GREB1: variants seen among roughly 807,000 people sequenced by gnomAD.
GREB1 encodes the protein growth regulating estrogen receptor binding 1, also known as protein GREB1.
Under a neutral mutation model 200.7 loss-of-function variants are expected in GREB1, and 106 were observed. That is an observed-to-expected ratio of 0.53 (90% CI 0.45 to 0.62). The LOEUF (loss-of-function observed/expected upper bound fraction) is 0.62. Among genes scored for constraint, GREB1 ranks in the 20% least tolerant of loss-of-function variants. GREB1 has a pLI of 0.00. For synonymous variants in GREB1, 1,132 were observed against 1,092.4 expected (o/e 1.04, Z -0.72); for missense variants, 2,243 against 2,556.8 (o/e 0.88, Z 2.65).
intron 1 of GREB1, among the ~76,000 whole-genome samples, chr2:11,536,932 T>TCTTTCA (rs3071109): frequency 0.24 from 36,171 of 151,848 alleles, 5,830 homozygotes; most frequent in African/African-American, 0.46. Context: ...AACCTTGAAT[T>TCTTTCA]CTTAGAGGCA....
chr2:11,497,971 CTTTTTTTTTTTTTTTTTTTTTTT>C (rs70955803), intron 1 of GREB1, among the ~76,000 whole-genome samples: 622 of 40,662 alleles, frequency 0.015, 13 homozygotes, highest in Middle Eastern at 0.053. Context: ...CAGAGCAAAA[CTTTTTTTTTTTTTTTTTTTTTTT>C]TTTTTTTTTT....
chr2:11,596,112 G>C lies in GREB1; in HGVS notation c.1827G>C (p.Glu609Asp). The C allele has an allele frequency of 6.2e-7, 1 of 1,612,952 alleles. No homozygotes were observed. The highest frequency in any genetic ancestry group is 2.2e-5 in the East Asian group (1 of 44,874). ...ATTTGTTTATTCTGTCTTGGGCAGA[G>C]GGTGACATTGACATTTTGCTGGACA... ...LGAFFSTLCP[E>D]GDIDILLDKF... The change falls in exon 13 of 33, where the codon GAG becomes GAC. Residue 609 changes from glutamate to aspartate, a missense_variant and splice_region_variant. Glu to Asp is a conservative substitution (Grantham distance 45). Around this residue, in one of 3 missense-constraint regions of GREB1, gnomAD observed 1,178 missense variants for 1,387.4 expected, o/e 0.85. Transcript: ENST00000381486.
intron 1 of GREB1, among the ~76,000 whole-genome samples, chr2:11,495,374 G>T (rs115807784): frequency 0.012 from 1,869 of 151,472 alleles, 42 homozygotes; most frequent in African/African-American, 0.043. Flanking sequence ...TGCCATTTTT[G>T]TAGGTGAAAA....
At chr2:11,590,126 G>A (rs1680581439) in intron 10 of GREB1, among the ~76,000 whole-genome samples, 1 of 152,136 alleles carries the variant, frequency 6.6e-6, no homozygotes, top group Admixed American at 6.5e-5. Context: ...AGATGGAATG[G>A]GTGGGAAGGA....
At position 11,633,328 on chromosome 2, in the gene GREB1, T is replaced by G. The variant is rs912138637; in HGVS notation, c.4991+265T>G. On this transcript the variant is annotated intron_variant, in intron 28 of 32. Coordinates refer to ENST00000381486, the MANE Select transcript of GREB1 (RefSeq NM_014668.4). The surrounding 1 kb of genome is among the most constrained non-coding windows in gnomAD (Gnocchi z 4.1). Reference sequence around the variant, plus strand: ...CTGTAATCCCAGCACTTTGGGAGGCTGAGGTGGGTGGATCACGAGGTCAGG... The same window carrying G: ...CTGTAATCCCAGCACTTTGGGAGGCGGAGGTGGGTGGATCACGAGGTCAGG... Among the ~76,000 whole-genome samples, 4 of 152,042 alleles carry G rather than the reference T, an allele frequency of 2.6e-5. No homozygotes were observed. The highest frequency in any genetic ancestry group is 4.8e-5 in the African/African-American group (2 of 41,410).
In GREB1 at chr2:11,580,418, G is replaced by C. The variant is rs1679348515; in HGVS notation, c.773-286G>C. Reference sequence around the variant, plus strand: ...CCTGGGAGTGCATGTATATAGGCATGTGTTTGTGCATGTGTATGTGTGTAC... The same window carrying C: ...CCTGGGAGTGCATGTATATAGGCATCTGTTTGTGCATGTGTATGTGTGTAC... On this transcript the variant is annotated intron_variant, in intron 6 of 32. Transcript: ENST00000381486. This position sits in a 1 kb window ranked among gnomAD's most constrained non-coding sequence, Gnocchi z 4.5. 6.6e-6 allele frequency among the ~76,000 whole-genome samples: 1 copy of C among 152,188 alleles called. No individual in the cohort carries two copies. The highest frequency in any genetic ancestry group is 1.5e-5 in the Non-Finnish European group (1 of 68,028).
chr2:11,496,778 A>G (rs1267734252), intron 1 of GREB1, among the ~76,000 whole-genome samples: 2 of 152,346 alleles, frequency 1.3e-5, no homozygotes, highest in Non-Finnish European at 1.5e-5. Flanking sequence ...CAAAACTATC[A>G]TACACTATGG....
At position 11,556,677 on chromosome 2, in the gene GREB1, C is replaced by T. The variant is rs368913734; in HGVS notation, c.63C>T (p.Ser21=). The change falls in exon 2 of 33, where the codon TCC becomes TCT. Residue 21 remains serine (S), a synonymous_variant. Transcript: ENST00000381486. Reference sequence around the variant, plus strand: ...GCTTTGAAGAGGTCTTGCACAATTCCATCGAGGCATCCCTGCGGTCCAACA... The same window carrying T: ...GCTTTGAAGAGGTCTTGCACAATTCTATCGAGGCATCCCTGCGGTCCAACA... ...TTRFEEVLHN[S]IEASLRSNNL... The T allele has an allele frequency of 1.1e-5, 18 of 1,613,802 alleles. No individual in the cohort carries two copies. Among genetic ancestry groups the T allele is most frequent in the East Asian group, 6.7e-5 (3 of 44,888 alleles).
chr2:11,608,829 T>C (rs1682648171), intron 17 of GREB1, among the ~76,000 whole-genome samples: 2 of 152,242 alleles, frequency 1.3e-5, no homozygotes, highest in Non-Finnish European at 2.9e-5. Flanking sequence ...GCACTGCTCA[T>C]ATCAACTGAA....
Position 11,492,156 on chromosome 2 carries a change from C to T in GREB1, c.-159+9775C>T, listed in dbSNP as rs1672787049. ...TCGTTTCCATGGTCATTTAACGTGG[C>T]ACTTTACTCTGGGATTGTTCACCTA... is the stretch of plus-strand genomic sequence containing the variant. On this transcript the variant is annotated intron_variant, in intron 1 of 2. Coordinates refer to the GREB1 transcript ENST00000628795. This position sits in a 1 kb window ranked among gnomAD's most constrained non-coding sequence, Gnocchi z 4.0. Among the ~76,000 whole-genome samples the T allele has an allele frequency of 6.6e-6, 1 of 152,192 alleles. No homozygotes were observed. Among genetic ancestry groups the T allele is most frequent in the Non-Finnish European group, 1.5e-5 (1 of 68,028 alleles).
intron 1 of GREB1, among the ~76,000 whole-genome samples, chr2:11,502,219 C>CTT (rs1202858524): frequency 9.3e-5 from 12 of 129,018 alleles, no homozygotes; most frequent in South Asian, 2.5e-4. Context: ...GCCTGGCCCT[C>CTT]TTTTTTTTTT....
intron 11 of GREB1, among the ~76,000 whole-genome samples, chr2:11,594,776 T>C (rs2148197323): frequency 6.6e-6 from 1 of 152,240 alleles, no homozygotes; most frequent in South Asian, 2.1e-4. Context: ...CACTGCAAGC[T>C]CCGCCTCCTG....
intron 24 of GREB1, 34 bp downstream of exon 24, chr2:11,625,346 A>T (rs1188017541): frequency 1.9e-6 from 3 of 1,602,858 alleles, no homozygotes; most frequent in Admixed American, 3.3e-5. Flanking sequence ...CACCTTCCAG[A>T]GTGCATGGGC....
intron 1 of GREB1, among the ~76,000 whole-genome samples, chr2:11,523,958 G>A (rs1673787258): frequency 6.6e-6 from 1 of 152,124 alleles, no homozygotes. Context: ...TCTTTTCTCA[G>A]GCTCATTCAG....
intron 1 of GREB1, among the ~76,000 whole-genome samples, chr2:11,535,751 C>T (rs1420763761): frequency 2.6e-5 from 4 of 152,084 alleles, no homozygotes; most frequent in Non-Finnish European, 4.4e-5. Flanking sequence ...TGGGTTTTCA[C>T]GAGTATAGAA....
At chr2:11,511,265 G>A (rs755101945) in intron 1 of GREB1, among the ~76,000 whole-genome samples, 2 of 152,082 alleles carry the variant, frequency 1.3e-5, no homozygotes, top group African/African-American at 4.8e-5. Flanking sequence ...TAGTTTTTCG[G>A]GTGCTACACA....
At chr2:11,584,250 A>G (rs997687193) in intron 7 of GREB1, among the ~76,000 whole-genome samples, 4 of 152,246 alleles carry the variant, frequency 2.6e-5, no homozygotes, top group Non-Finnish European at 4.4e-5. Flanking sequence ...TCAAGAAACT[A>G]TGGAAACCAA....
At chr2:11,639,333 C>T (rs928781407) in intron 32 of GREB1, among the ~76,000 whole-genome samples, 3 of 152,246 alleles carry the variant, frequency 2.0e-5, no homozygotes, top group Admixed American at 6.5e-5. Flanking sequence ...AGGTGATCCA[C>T]CTGCCTCGGC....
At chr2:11,483,986 C>T (rs1009894898) in intron 1 of GREB1, among the ~76,000 whole-genome samples, 8 of 152,134 alleles carry the variant, frequency 5.3e-5, no homozygotes, top group African/African-American at 1.9e-4. Context: ...CTTGAATAAA[C>T]ACTCTTTTAT....
Sources: gnomAD v4.1 joint callset for allele counts (sites outside exome capture counted in the v4.1 genomes callset) on GRCh38, gnomAD v4.1.1 for gene constraint, gnomAD v4.1.1 regional missense constraint, Gnocchi (gnomAD v3.1) non-coding constraint, MANE v1.5 for transcripts, NCBI Gene and HGNC (gene_info 2026-07-23, HGNC 2026-07-21) for gene names.